ZBTB20: variants seen among roughly 807,000 people sequenced by gnomAD.
ZBTB20 encodes the protein zinc finger and BTB domain-containing protein 20.
In ZBTB20, 9 loss-of-function variants were observed where a neutral mutation model predicts 56.9. The observed-to-expected ratio is 0.16, with a 90% confidence interval of 0.10 to 0.28. The LOEUF is 0.28. Among genes scored for constraint, ZBTB20 ranks in the 10% least tolerant of loss-of-function variants. The probability of loss-of-function intolerance (pLI) is 1.00; values close to 1 mark genes in which losing one functional copy is unlikely to be tolerated. For synonymous variants in ZBTB20, 417 were observed against 420.7 expected (o/e 0.99, Z 0.11); for missense variants, 655 against 1,003.0 (o/e 0.65, Z 4.69).
chr3:114,978,573 C>T (rs1546390), intron 2 of ZBTB20, among the ~76,000 whole-genome samples: 34,807 of 150,966 alleles, frequency 0.23, 4,592 homozygotes, highest in East Asian at 0.62. Context: ...ACATACCATA[C>T]CAATATTTAA....
In ZBTB20 at chr3:114,338,521, TG is replaced by T. The variant is rs2079540333; in HGVS notation, c.*483del. 1 of 152,712 alleles carries T rather than the reference TG, an allele frequency of 6.5e-6. No individual in the cohort carries two copies. The highest frequency in any genetic ancestry group is 6.5e-5 in the Admixed American group (1 of 15,294). 9.5% of individuals were successfully genotyped at this position (152,712 alleles called of 1,614,324 possible). On this transcript the variant is annotated 3_prime_UTR_variant, in exon 12 of 12. Transcript: ENST00000675478. ...AGAAGTGATATTCCACAGTTTTAACTGGTTACTGTGAAGTCCAAGCGGCCAG... is the reference window on the plus strand; with the variant it reads ...AGAAGTGATATTCCACAGTTTTAACTGTTACTGTGAAGTCCAAGCGGCCAG...
intron 6 of ZBTB20, among the ~76,000 whole-genome samples, chr3:114,585,286 G>A (rs1022914781): frequency 6.6e-6 from 1 of 152,224 alleles, no homozygotes; most frequent in Admixed American, 6.5e-5. Context: ...GCTCTTGAGG[G>A]GACAAGAGCA....
At chr3:114,472,028 T>C (rs1239767042) in intron 7 of ZBTB20, among the ~76,000 whole-genome samples, 1 of 152,120 alleles carries the variant, frequency 6.6e-6, no homozygotes. Flanking sequence ...CTTAGGCGAA[T>C]AGGAGGGCAC....
In ZBTB20 at chr3:114,317,768, C is replaced by T. The variant is rs927944033; in HGVS notation, c.*21237G>A. 2.6e-5 allele frequency: 4 copies of T among 152,124 alleles called. No homozygotes were observed. Among genetic ancestry groups the T allele is most frequent in the Non-Finnish European group, 5.9e-5 (4 of 68,028 alleles). The allele number at this position is 152,124 out of a possible 1,614,324, so 9.4% of individuals were successfully genotyped here. On this transcript the variant is annotated 3_prime_UTR_variant, in exon 12 of 12. Coordinates refer to ENST00000675478, the MANE Select transcript of ZBTB20 (RefSeq NM_001348800.3). ...AGGCACGTGATATTATTCGGTCCCA[C>T]AATCCTTAAGAAAAACGGTATTTTG...
intron 5 of ZBTB20, among the ~76,000 whole-genome samples, chr3:114,795,031 C>T (rs1388769550): frequency 6.6e-6 from 1 of 151,876 alleles, no homozygotes; most frequent in Non-Finnish European, 1.5e-5. Context: ...ACAAGAAATC[C>T]GTTAACCAAC....
At chr3:114,401,912 T>C (rs925294982) in intron 7 of ZBTB20, among the ~76,000 whole-genome samples, 3 of 152,154 alleles carry the variant, frequency 2.0e-5, no homozygotes, top group African/African-American at 7.2e-5. Flanking sequence ...CATATATACG[T>C]CCATTTCCTC....
At chr3:114,414,091 A>C (rs1290656965) in intron 7 of ZBTB20, among the ~76,000 whole-genome samples, 5 of 152,266 alleles carry the variant, frequency 3.3e-5, no homozygotes, top group South Asian at 2.1e-4. Context: ...TCTCATTAAG[A>C]GGGAACAAAA....
chr3:114,877,046 C>T (rs1293727333), intron 4 of ZBTB20, among the ~76,000 whole-genome samples: 1 of 152,118 alleles, frequency 6.6e-6, no homozygotes, highest in Non-Finnish European at 1.5e-5. Flanking sequence ...CACTCAACAC[C>T]TTTGTTACAG....
At chr3:114,771,324 T>C (rs1053669326) in intron 5 of ZBTB20, among the ~76,000 whole-genome samples, 3 of 152,184 alleles carry the variant, frequency 2.0e-5, no homozygotes, top group Non-Finnish European at 4.4e-5. Flanking sequence ...ATCTTGTTAG[T>C]TGATTTGTGA....
chr3:115,110,348 G>C (rs898104391), intron 1 of ZBTB20, among the ~76,000 whole-genome samples: 1 of 152,182 alleles, frequency 6.6e-6, no homozygotes, highest in Admixed American at 6.5e-5. Flanking sequence ...ATTCAAAATA[G>C]GTAGAAATGG....
intron 7 of ZBTB20, among the ~76,000 whole-genome samples, chr3:114,491,943 A>G (rs1015371931): frequency 1.3e-5 from 2 of 152,352 alleles, no homozygotes; most frequent in African/African-American, 2.4e-5. Context: ...CAAAATTAAT[A>G]TAAGCAATAT....
intron 6 of ZBTB20, among the ~76,000 whole-genome samples, chr3:114,570,039 A>G (rs2053242391): frequency 1.5e-5 from 2 of 134,474 alleles, no homozygotes; most frequent in Admixed American, 7.2e-5. Flanking sequence ...TATGCATTCA[A>G]TTACGCACTT....
chr3:114,776,159 T>C (rs6791036), intron 5 of ZBTB20, among the ~76,000 whole-genome samples: 23,180 of 150,908 alleles, frequency 0.15, 2,786 homozygotes, highest in African/African-American at 0.34. Flanking sequence ...AAGGGAAGAA[T>C]GCAGAGCAGG....
In ZBTB20 at chr3:114,692,722, C is replaced by T. The variant is rs1319445999; in HGVS notation, c.-295+806G>A. 2.6e-5 allele frequency among the ~76,000 whole-genome samples: 4 copies of T among 152,106 alleles called. No individual in the cohort carries two copies. In the East Asian group the frequency reaches 5.8e-4, roughly 22 times the overall value. On this transcript the variant is annotated intron_variant, in intron 6 of 11. Coordinates refer to ENST00000675478, the MANE Select transcript of ZBTB20 (RefSeq NM_001348800.3). ...ATTGGATAATACTTTATCTATACAC[C>T]CCCAGTCTTGACCTGCACTCTTCTC...
chr3:114,570,348 C>A lies in ZBTB20; in HGVS notation c.-294-69957G>T, dbSNP rs537002822. On this transcript the variant is annotated intron_variant, in intron 6 of 11. Transcript: ENST00000675478. ...TATTGAGTAAATATTAAATTCCATG[C>A]ACTTCAAATACATTATTTTTATAAA... is the stretch of plus-strand genomic sequence containing the variant. 3.8e-4 allele frequency among the ~76,000 whole-genome samples: 58 copies of A among 151,194 alleles called. 1 individual carries two copies. The highest frequency in any genetic ancestry group is 5.9e-4 in the Admixed American group (9 of 15,180).
In ZBTB20 at chr3:114,736,633, G is replaced by A. The variant is rs2066180735; in HGVS notation, c.-342-43058C>T. Among the ~76,000 whole-genome samples, 5 of 152,010 alleles carry A rather than the reference G, an allele frequency of 3.3e-5. No individual in the cohort carries two copies. The South Asian group carries it at 8.3e-4, about 25-fold the overall frequency. On this transcript the variant is annotated intron_variant, in intron 5 of 11. Coordinates refer to ENST00000675478, the MANE Select transcript of ZBTB20 (RefSeq NM_001348800.3). ...GGACTAAACATAAGAGAATTTACTG[G>A]GACTAATGGTTATCAAAATTGGGCA...
chr3:114,875,152 CAAG>C (rs1040697122), intron 4 of ZBTB20, among the ~76,000 whole-genome samples: 92 of 152,238 alleles, frequency 6.0e-4, no homozygotes, highest in Non-Finnish European at 8.7e-4. Flanking sequence ...TCGTGTGCTT[CAAG>C]AAGAACTGAT....
At chr3:115,030,967 T>C (rs1285125978) in intron 2 of ZBTB20, among the ~76,000 whole-genome samples, 1 of 151,484 alleles carries the variant, frequency 6.6e-6, no homozygotes, top group African/African-American at 2.4e-5. Context: ...AAAAATTCAA[T>C]ATGCACAAAT....
chr3:114,559,097 G>A (rs1356379470), intron 6 of ZBTB20, among the ~76,000 whole-genome samples: 1 of 152,160 alleles, frequency 6.6e-6, no homozygotes, highest in Non-Finnish European at 1.5e-5. Flanking sequence ...TGTTCCAGAA[G>A]GAAGGAGGAC....
Sources: allele counts gnomAD v4.1 joint callset (sites outside exome capture counted in the v4.1 genomes callset), GRCh38; gene constraint gnomAD v4.1.1; transcripts MANE v1.5; gene names NCBI Gene and HGNC (gene_info 2026-07-23, HGNC 2026-07-21).